Variants in CMKLR1 observed in about 807,000 individuals in gnomAD.
CMKLR1 encodes the protein chemerin-like receptor 1.
Under a neutral mutation model 8.2 loss-of-function variants are expected in CMKLR1, and 6 were observed. The observed-to-expected ratio is 0.73, with a 90% CI of 0.40 to 1.44. The LOEUF (loss-of-function observed/expected upper bound fraction) is 1.44, where lower values mean the gene tolerates loss of function less well. Ranked by LOEUF, CMKLR1 falls within the 40% of genes most tolerant of loss-of-function variation. The pLI is 0.02. For synonymous variants in CMKLR1, 178 were observed against 181.2 expected (o/e 0.98, Z 0.14); for missense variants, 429 against 478.0 (o/e 0.90, Z 0.96).
At chr12:108,293,794 T>A in intron 2 of CMKLR1, 130 bp from the exon 3 acceptor site, 1 of 612,860 alleles carries the variant, frequency 1.6e-6, no homozygotes, top group Non-Finnish European at 2.9e-6. Flanking sequence ...AAGCAGAAGT[T>A]CAGAAAGGCT....
chr12:108,314,453 G>A (rs1345574632), intron 2 of CMKLR1, among the ~76,000 whole-genome samples: 3 of 152,174 alleles, frequency 2.0e-5, no homozygotes, highest in East Asian at 3.8e-4. Context: ...ATCACGGAAC[G>A]GGGTCTCCAG....
At chr12:108,298,966 G>A (rs190992680) in intron 2 of CMKLR1, among the ~76,000 whole-genome samples, 17 of 152,348 alleles carry the variant, frequency 1.1e-4, no homozygotes, top group Admixed American at 2.6e-4. Context: ...ACGTGTGGGC[G>A]GCAGGAGACC....
intron 2 of CMKLR1, among the ~76,000 whole-genome samples, chr12:108,296,067 G>C (rs888765700): frequency 1.8e-4 from 28 of 152,142 alleles, no homozygotes; most frequent in African/African-American, 6.0e-4. Context: ...AAGCGTAAGG[G>C]AGGCACAAGT....
chr12:108,293,047 C>A, intron 3 of CMKLR1, 88 bp from the exon 4 acceptor site: 1 of 1,279,482 alleles, frequency 7.8e-7, no homozygotes, highest in Non-Finnish European at 1.1e-6. Flanking sequence ...AATGTTCCCC[C>A]TGACTCTGAG....
rs1420201664 is a variant in CMKLR1, at chr12:108,289,567, G to A, written c.*2274C>T. Reference sequence around the variant, plus strand: ...CTGGCCTGGACTGCCAGAAGCCCAGGAAAAGCAGCATCCTACAAGCCAGGA... The same window carrying A: ...CTGGCCTGGACTGCCAGAAGCCCAGAAAAAGCAGCATCCTACAAGCCAGGA... On this transcript the variant is annotated 3_prime_UTR_variant, in exon 4 of 4. Transcript: ENST00000550402. The A allele has an allele frequency of 1.3e-5, 2 of 152,200 alleles. No homozygotes were observed. Among genetic ancestry groups the A allele is most frequent in the African/African-American group, 4.8e-5 (2 of 41,430 alleles). 9.4% of individuals were successfully genotyped at this position (152,200 alleles called of 1,614,324 possible). A position where few individuals can be genotyped will look rare whatever the true frequency, so the allele number is the denominator to read the frequency against.
intron 2 of CMKLR1, among the ~76,000 whole-genome samples, chr12:108,328,970 G>A (rs1186702543): frequency 1.3e-5 from 2 of 152,170 alleles, no homozygotes; most frequent in Admixed American, 6.5e-5. Flanking sequence ...GGAGTGGTGG[G>A]AGGGGGACCC....
chr12:108,329,584 G>T (rs1160568849), intron 2 of CMKLR1, among the ~76,000 whole-genome samples: 1 of 152,122 alleles, frequency 6.6e-6, no homozygotes, highest in Non-Finnish European at 1.5e-5. Flanking sequence ...GGTAAAAATG[G>T]CCCAGTAGTC....
intron 2 of CMKLR1, among the ~76,000 whole-genome samples, chr12:108,305,702 C>T (rs1051677380): frequency 2.6e-5 from 4 of 152,216 alleles, no homozygotes; most frequent in Non-Finnish European, 5.9e-5. Context: ...AGCCCCAGGA[C>T]AGAATTAGCT....
rs73407497 is a variant in CMKLR1 at position 108,306,964 on chromosome 12, G to A, written c.-73-13300C>T. 8.7e-3 allele frequency among the ~76,000 whole-genome samples: 1,328 copies of A among 152,182 alleles called. 15 individuals are homozygous for A. The highest frequency in any genetic ancestry group is 0.031 in the African/African-American group (1,286 of 41,496). ...GAAGCCCCTGTAGCCCCCAATAATG[G>A]GTCCCGTACACAAGCCCTAAGTATC... On this transcript the variant is annotated intron_variant, in intron 2 of 3. Coordinates refer to ENST00000550402, the MANE Select transcript of CMKLR1 (RefSeq NM_001142343.2).
chr12:108,289,006 G>A lies in CMKLR1; in HGVS notation c.*2835C>T, dbSNP rs899512018. The A allele has an allele frequency of 1.3e-5, 2 of 151,572 alleles. No homozygotes were observed. Among genetic ancestry groups the A allele is most frequent in the African/African-American group, 4.9e-5 (2 of 41,110 alleles). 9.4% of individuals were successfully genotyped at this position (151,572 alleles called of 1,614,324 possible). The stretch of plus-strand genomic sequence containing the variant: ...CCCCTTCTGCCAGGGCCAATTTGAG[G>A]TTTCAGTGTTTGTGCCTGAACCATC... On this transcript the variant is annotated 3_prime_UTR_variant, in exon 4 of 4. Coordinates refer to ENST00000550402, the MANE Select transcript of CMKLR1 (RefSeq NM_001142343.2).
intron 2 of CMKLR1, among the ~76,000 whole-genome samples, chr12:108,318,464 C>T (rs1195769317): frequency 2.0e-5 from 3 of 152,226 alleles, no homozygotes; most frequent in Admixed American, 2.0e-4. Flanking sequence ...GCTGTTCCAA[C>T]TCCCTGTCCT....
At chr12:108,298,543 C>T (rs1001829391) in intron 2 of CMKLR1, among the ~76,000 whole-genome samples, 12 of 152,240 alleles carry the variant, frequency 7.9e-5, no homozygotes, top group Admixed American at 5.9e-4. Context: ...CCAGCTCCAC[C>T]CTACAGGGAC....
At chr12:108,328,803 C>A (rs764591702) in intron 2 of CMKLR1, among the ~76,000 whole-genome samples, 1 of 152,240 alleles carries the variant, frequency 6.6e-6, no homozygotes, top group African/African-American at 2.4e-5. Flanking sequence ...GCTGCTGCAA[C>A]TGGTGGCCAA....
chr12:108,292,334 T>C lies in CMKLR1; in HGVS notation c.629A>G (p.Asp210Gly), dbSNP rs1891004181. ...SSSWPTHSQM[D>G]PVGYSRHMVV... ...CATGTGCCGGCTATACCCCACAGGG[T>C]CCATTTGGGAGTGAGTGGGCCACGA... The change falls in exon 4 of 4, where the codon GAC (aspartate) becomes GGC (glycine). Residue 210 changes from aspartate to glycine, a missense_variant. By Grantham distance (94) the Asp-to-Gly change is moderately conservative. Coordinates refer to ENST00000550402, the MANE Select transcript of CMKLR1 (RefSeq NM_001142343.2). 3.1e-6 allele frequency: 5 copies of C among 1,613,824 alleles called. No individual in the cohort carries two copies. Among genetic ancestry groups the C allele is most frequent in the Non-Finnish European group, 4.2e-6 (5 of 1,179,994 alleles).
At chr12:108,304,736 C>G (rs1180021156) in intron 2 of CMKLR1, among the ~76,000 whole-genome samples, 7 of 152,352 alleles carry the variant, frequency 4.6e-5, no homozygotes, top group African/African-American at 1.7e-4. Flanking sequence ...TCAGCCCTCC[C>G]CCTCTGACAG....
chr12:108,332,144 C>T (rs1566031256), intron 1 of CMKLR1, among the ~76,000 whole-genome samples: 1 of 152,154 alleles, frequency 6.6e-6, no homozygotes, highest in Non-Finnish European at 1.5e-5. Context: ...TACTCCAGGC[C>T]AAAGAACATG....
intron 1 of CMKLR1, among the ~76,000 whole-genome samples, chr12:108,331,281 C>T (rs114543307): frequency 0.014 from 2,148 of 152,272 alleles, 50 homozygotes; most frequent in African/African-American, 0.049. Context: ...AGAACCCCCT[C>T]GTTCAGAGTC....
At chr12:108,301,560 T>C (rs1593161765) in intron 2 of CMKLR1, among the ~76,000 whole-genome samples, 1 of 152,244 alleles carries the variant, frequency 6.6e-6, no homozygotes, top group South Asian at 2.1e-4. Flanking sequence ...GCCTGGCACA[T>C]AGTAGGCACA....
At chr12:108,323,139 G>C (rs1359313206) in intron 2 of CMKLR1, among the ~76,000 whole-genome samples, 1 of 152,178 alleles carries the variant, frequency 6.6e-6, no homozygotes, top group African/African-American at 2.4e-5. Flanking sequence ...TTTTGAGACT[G>C]TCATAGAGTT....
Sources: allele counts gnomAD v4.1 joint callset (sites outside exome capture counted in the v4.1 genomes callset), GRCh38; gene constraint gnomAD v4.1.1; transcripts MANE v1.5; gene names NCBI Gene and HGNC (gene_info 2026-07-23, HGNC 2026-07-21).